CREG1: variants seen among roughly 807,000 people sequenced by gnomAD.
CREG1 encodes the protein cellular repressor of E1A stimulated genes 1.
CREG1 carries 20 observed loss-of-function variants against 19.9 expected under a neutral mutation model. The ratio of observed to expected loss-of-function variants is 1.01; its 90% CI spans 0.71 to 1.46. CREG1 has a LOEUF of 1.46. CREG1 is among the 40% of genes most tolerant of loss of function. CREG1 has a pLI of 0.00. For missense variants in CREG1, 290 were observed against 314.9 expected (o/e 0.92, Z 0.60); for synonymous variants, 141 against 143.3 (o/e 0.98, Z 0.12).
chr1:167,545,149 T>G (rs151018537), intron 3 of CREG1, among the ~76,000 whole-genome samples: 1 of 152,258 alleles, frequency 6.6e-6, no homozygotes, highest in East Asian at 1.9e-4. Context: ...TGGGGTTACT[T>G]GCTCAGACTC....
chr1:167,551,256 T>C (rs1656419173), intron 1 of CREG1, among the ~76,000 whole-genome samples: 1 of 152,252 alleles, frequency 6.6e-6, no homozygotes, highest in South Asian at 2.1e-4. Flanking sequence ...TAGGTCTTTT[T>C]GTTCCTTCTG....
At position 167,542,305 on chromosome 1, in the gene CREG1, G is replaced by T; in HGVS notation, c.660-4C>A. 1 of 1,604,338 alleles carries T rather than the reference G, an allele frequency of 6.2e-7. No homozygotes were observed. The highest frequency in any genetic ancestry group is 1.7e-5 in the Admixed American group (1 of 57,950). On this transcript the variant is annotated splice_polypyrimidine_tract_variant and splice_region_variant and intron_variant, in intron 3 of 3. Coordinates refer to ENST00000370509, the MANE Select transcript of CREG1 (RefSeq NM_003851.3). ...AATTCACCACAGTCTGCTTCACCTA[G>T]AAAGGGGAACAGAGAAGAATTATTT...
In CREG1 at chr1:167,546,191, G is replaced by A. The variant is rs373686100; in HGVS notation, c.569C>T (p.Ala190Val). 2.1e-5 allele frequency: 34 copies of A among 1,613,418 alleles called. No individual in the cohort carries two copies. The Middle Eastern group carries it at 6.6e-4, about 31-fold the overall frequency. The change falls in exon 3 of 4, where the codon GCT (alanine) becomes GTT (valine). Residue 190 changes from alanine to valine, a missense_variant. By Grantham distance (64) the Ala-to-Val change is moderately conservative. Transcript: ENST00000370509. ...TWPSSHNWFFAKLNITNIWVL... is the reference protein window; with the variant it reads ...TWPSSHNWFFVKLNITNIWVL... ...CCAGATATTGGTTATATTCAACTTA[G>A]CAAAGAACCAATTATGGCTGGAAGG...
At chr1:167,549,695 T>G (rs1251269864) in intron 1 of CREG1, among the ~76,000 whole-genome samples, 1 of 151,664 alleles carries the variant, frequency 6.6e-6, no homozygotes, top group African/African-American at 2.4e-5. Context: ...CAATATTTTT[T>G]TTAAGACAGT....
intron 1 of CREG1, among the ~76,000 whole-genome samples, chr1:167,551,049 C>G (rs1656415352): frequency 6.6e-6 from 1 of 152,222 alleles, no homozygotes; most frequent in Non-Finnish European, 1.5e-5. Context: ...TTCAGACTCA[C>G]TGGCTCTGCA....
intron 1 of CREG1, among the ~76,000 whole-genome samples, chr1:167,550,006 TA>T (rs1656397631): frequency 6.6e-6 from 1 of 152,132 alleles, no homozygotes; most frequent in African/African-American, 2.4e-5. Context: ...TTTTATTATT[TA>T]GAAACAGAAT....
At position 167,546,206 on chromosome 1, in the gene CREG1, T is replaced by C. The variant is rs368150878; in HGVS notation, c.554A>G (p.His185Arg). ...ATTCAACTTAGCAAAGAACCAATTATGGCTGGAAGGCCAGGTTTTCATCTC... is the reference window on the plus strand; with the variant it reads ...ATTCAACTTAGCAAAGAACCAATTACGGCTGGAAGGCCAGGTTTTCATCTC... ...HPEMKTWPSSHNWFFAKLNIT... is the reference protein window; with the variant it reads ...HPEMKTWPSSRNWFFAKLNIT... Residue 185 changes from histidine to arginine, a missense_variant, in exon 3 of 4, where the codon CAT (histidine) becomes CGT (arginine). His to Arg is a conservative substitution (Grantham distance 29, BLOSUM62 0). Transcript: ENST00000370509. The C allele has an allele frequency of 3.8e-5, 61 of 1,613,566 alleles. No homozygotes were observed. The highest frequency in any genetic ancestry group is 2.2e-4 in the South Asian group (20 of 90,970).
chr1:167,547,476 G>A (rs988282298), intron 2 of CREG1, among the ~76,000 whole-genome samples: 9 of 152,130 alleles, frequency 5.9e-5, no homozygotes, highest in African/African-American at 1.9e-4. Flanking sequence ...CTTGGCTTCA[G>A]AAAATCATTC....
At chr1:167,542,386 T>C (rs1263140338) in intron 3 of CREG1, 85 bp from the exon 4 acceptor site, 17 of 1,288,896 alleles carry the variant, frequency 1.3e-5, no homozygotes, top group Non-Finnish European at 1.6e-5. Context: ...AAGGACTAGA[T>C]AAAATTTCTG....
chr1:167,545,685 T>C (rs1656305146), intron 3 of CREG1, among the ~76,000 whole-genome samples: 1 of 152,030 alleles, frequency 6.6e-6, no homozygotes, highest in East Asian at 1.9e-4. Flanking sequence ...TATGCCTGTA[T>C]TCCCAGCTGC....
intron 2 of CREG1, 54 bp downstream of exon 2, chr1:167,547,948 G>A: frequency 1.3e-6 from 2 of 1,559,846 alleles, no homozygotes; most frequent in Non-Finnish European, 8.8e-7. Context: ...TTCTTTCATT[G>A]TGAATACGAT....
At position 167,553,695 on chromosome 1, in the gene CREG1, A is replaced by G. The variant is rs1332273857; in HGVS notation, c.47T>C (p.Leu16Pro). 3.8e-6 allele frequency: 5 copies of G among 1,313,190 alleles called. No individual in the cohort carries two copies. Among genetic ancestry groups the G allele is most frequent in the Non-Finnish European group, 4.8e-6 (5 of 1,037,510 alleles). The allele number at this position is 1,313,190 out of a possible 1,614,324, so 81.3% of individuals were successfully genotyped here. Residue 16 changes from leucine to proline, a missense_variant, in exon 1 of 4, where the codon CTG becomes CCG. Coordinates refer to ENST00000370509, the MANE Select transcript of CREG1 (RefSeq NM_003851.3). ...CAGCGCCAACAGCGTCGACGCCAGC[A>G]GGGCGGCGAGCAGTGCGCGCGCGGA... Reference protein sequence around the residue: ...RGSARALLAALLASTLLALLV... With the variant: ...RGSARALLAAPLASTLLALLV...
Position 167,547,502 on chromosome 1 carries a change from T to TAA in CREG1, c.474+499_474+500insTT, listed in dbSNP as rs35310167. Among the ~76,000 whole-genome samples the TAA allele has an allele frequency of 1.3e-3, 200 of 152,208 alleles. 1 individual carries two copies. Among genetic ancestry groups the TAA allele is most frequent in the Non-Finnish European group, 2.6e-3 (178 of 68,034 alleles). ...AAAATCATTCATTTTTGTCATATCT[T>TAA]ATTTAACACCTATATGAAAGCAACT... On this transcript the variant is annotated intron_variant, in intron 2 of 3. Transcript: ENST00000370509.
intron 3 of CREG1, among the ~76,000 whole-genome samples, chr1:167,542,733 C>G (rs1656247568): frequency 6.6e-6 from 1 of 152,182 alleles, no homozygotes; most frequent in African/African-American, 2.4e-5. Flanking sequence ...GTGATAGTGA[C>G]CACAGCTGGG....
chr1:167,546,021 G>T, intron 3 of CREG1, 80 bp downstream of exon 3: 1 of 1,260,928 alleles, frequency 7.9e-7, no homozygotes, highest in Non-Finnish European at 1.1e-6. Flanking sequence ...CACATGAAAC[G>T]GTTAAACCCC....
rs1335106709 is a variant in CREG1 at position 167,548,070 on chromosome 1, T to C, written c.406A>G (p.Lys136Glu). 6.2e-7 allele frequency: 1 copy of C among 1,613,842 alleles called. No individual in the cohort carries two copies. Among genetic ancestry groups the C allele is most frequent in the East Asian group, 2.2e-5 (1 of 44,878 alleles). ...TMTLAQTNFCKKHGFDPQSPL... is the reference protein window; with the variant it reads ...TMTLAQTNFCEKHGFDPQSPL... ...CTTTGTGGATCAAATCCATGTTTCT[T>C]GCAGAAGTTGGTCTGTGCCAAAGTC... The change falls in exon 2 of 4, where the codon AAG becomes GAG. Residue 136 changes from lysine (K) to glutamate (E), a missense_variant. Transcript: ENST00000370509.
chr1:167,542,968 G>C (rs60796611), intron 3 of CREG1, among the ~76,000 whole-genome samples: 28,652 of 152,106 alleles, frequency 0.19, 3,001 homozygotes, highest in East Asian at 0.31. Flanking sequence ...TGCTTGTTGG[G>C]CGGGCGCGGT....
chr1:167,548,315 G>A lies in CREG1; in HGVS notation c.355-194C>T, dbSNP rs74119804. Reference sequence around the variant, plus strand: ...CCTGACCACTCCCCAAAGGGGGTGCGGGGGTTCATATTTAAAATGAACTGA... The same window carrying A: ...CCTGACCACTCCCCAAAGGGGGTGCAGGGGTTCATATTTAAAATGAACTGA... On this transcript the variant is annotated intron_variant, in intron 1 of 3. Transcript: ENST00000370509. Among the ~76,000 whole-genome samples, 1,361 of 152,260 alleles carry A rather than the reference G, an allele frequency of 8.9e-3. 19 individuals carry two copies. The highest frequency in any genetic ancestry group is 0.029 in the African/African-American group (1,211 of 41,554).
At chr1:167,548,482 T>A (rs1656367308) in intron 1 of CREG1, among the ~76,000 whole-genome samples, 1 of 150,530 alleles carries the variant, frequency 6.6e-6, no homozygotes, top group Non-Finnish European at 1.5e-5. Context: ...TTAAACTCTA[T>A]ACAAAACCAT....
Sources: gnomAD v4.1 joint callset for allele counts (sites outside exome capture counted in the v4.1 genomes callset) on GRCh38, gnomAD v4.1.1 for gene constraint, MANE v1.5 for transcripts, NCBI Gene and HGNC (gene_info 2026-07-23, HGNC 2026-07-21) for gene names.